FBN2: variants seen among roughly 807,000 people sequenced by gnomAD.
FBN2 encodes fibrillin-2.
Under a neutral mutation model 355.6 loss-of-function variants are expected in FBN2, and 105 were observed. The observed-to-expected ratio is 0.30, with a 90% CI of 0.25 to 0.35. FBN2 has a LOEUF of 0.35. Ranked by LOEUF, FBN2 falls within the 10% of genes least tolerant of loss-of-function variation. The probability of loss-of-function intolerance (pLI) is 1.00; values close to 1 mark genes in which losing one functional copy is unlikely to be tolerated. For synonymous variants in FBN2, 1,350 were observed against 1,301.2 expected (o/e 1.04, Z -0.81); for missense variants, 3,280 against 3,758.7 (o/e 0.87, Z 3.33).
At chr5:128,421,722 C>T (rs1753354362) in intron 7 of FBN2, among the ~76,000 whole-genome samples, 1 of 152,010 alleles carries the variant, frequency 6.6e-6, no homozygotes, top group Non-Finnish European at 1.5e-5. Flanking sequence ...AGAAGGGAAG[C>T]AAGTGAAGAT....
At chr5:128,321,362 G>A (rs1329202458) in intron 34 of FBN2, among the ~76,000 whole-genome samples, 2 of 152,096 alleles carry the variant, frequency 1.3e-5, no homozygotes, top group Admixed American at 1.3e-4. Context: ...TGTTACATAG[G>A]TGTATGTGTG....
At chr5:128,280,519 GTCT>G (rs1208244558) in intron 55 of FBN2, among the ~76,000 whole-genome samples, 3 of 151,858 alleles carry the variant, frequency 2.0e-5, no homozygotes, top group African/African-American at 4.8e-5. Flanking sequence ...AGATAATGTT[GTCT>G]TCTTCTTTCT....
chr5:128,459,720 T>C (rs938439096), intron 6 of FBN2, among the ~76,000 whole-genome samples: 1 of 152,204 alleles, frequency 6.6e-6, no homozygotes, highest in Non-Finnish European at 1.5e-5. Flanking sequence ...AACCACATGA[T>C]TATCTCAATA....
At chr5:128,383,097 G>C (rs778054367) in intron 11 of FBN2, among the ~76,000 whole-genome samples, 3 of 152,090 alleles carry the variant, frequency 2.0e-5, no homozygotes, top group Non-Finnish European at 4.4e-5. Flanking sequence ...ATTGCTTTAA[G>C]AGGGTTTTCA....
intron 55 of FBN2, among the ~76,000 whole-genome samples, chr5:128,285,787 A>C (rs186128993): frequency 6.6e-6 from 1 of 152,332 alleles, no homozygotes; most frequent in Non-Finnish European, 1.5e-5. Context: ...CATATCTTTA[A>C]ATGTAATAAA....
chr5:128,317,668 G>A (rs1026956757), intron 36 of FBN2, among the ~76,000 whole-genome samples: 1 of 152,108 alleles, frequency 6.6e-6, no homozygotes, highest in Non-Finnish European at 1.5e-5. Context: ...CACAGATTCT[G>A]AACCTTCATT....
chr5:128,420,996 G>T (rs1015393194), intron 7 of FBN2, among the ~76,000 whole-genome samples: 1 of 152,182 alleles, frequency 6.6e-6, no homozygotes, highest in Admixed American at 6.6e-5. Context: ...TGGAACTTTG[G>T]CATGCAAGGA....
intron 5 of FBN2, among the ~76,000 whole-genome samples, chr5:128,477,315 C>T (rs1581330435): frequency 6.6e-6 from 1 of 152,108 alleles, no homozygotes; most frequent in Non-Finnish European, 1.5e-5. Context: ...TCTCCCAGTA[C>T]CACAGAGAAA....
At chr5:128,471,925 T>G (rs1754871466) in intron 5 of FBN2, among the ~76,000 whole-genome samples, 1 of 152,178 alleles carries the variant, frequency 6.6e-6, no homozygotes, top group Non-Finnish European at 1.5e-5. Flanking sequence ...ATGTATTTAA[T>G]AAACAAAACA....
At chr5:128,513,439 A>C (rs1358723245) in intron 5 of FBN2, among the ~76,000 whole-genome samples, 1 of 152,230 alleles carries the variant, frequency 6.6e-6, no homozygotes, top group Non-Finnish European at 1.5e-5. Context: ...ATATTTATGG[A>C]GTTAAAAATA....
intron 4 of FBN2, among the ~76,000 whole-genome samples, chr5:128,520,188 A>G (rs976621050): frequency 6.6e-6 from 1 of 152,178 alleles, no homozygotes; most frequent in African/African-American, 2.4e-5. Flanking sequence ...AGAGGGAGCC[A>G]GTAAACTTGA....
At chr5:128,529,504 G>T (rs1470862148) in intron 3 of FBN2, among the ~76,000 whole-genome samples, 1 of 152,190 alleles carries the variant, frequency 6.6e-6, no homozygotes, top group African/African-American at 2.4e-5. Context: ...TGGAAGGATT[G>T]CCCAAGGCCA....
chr5:128,530,448 T>C (rs1756672684), intron 3 of FBN2, 147 bp downstream of exon 3: 11 of 663,308 alleles, frequency 1.7e-5, no homozygotes, highest in Admixed American at 9.4e-5. Flanking sequence ...TTCTGTAAAA[T>C]GGGGTATTAA....
intron 5 of FBN2, among the ~76,000 whole-genome samples, chr5:128,474,650 G>T (rs1754961291): frequency 6.6e-6 from 1 of 152,124 alleles, no homozygotes. Flanking sequence ...TAAAATTTCT[G>T]CCCAAATCAA....
intron 7 of FBN2, 44 bp downstream of exon 7, chr5:128,446,437 T>A (rs764284725): frequency 2.5e-6 from 4 of 1,606,668 alleles, no homozygotes; most frequent in Non-Finnish European, 2.6e-6. Context: ...TTTTCTTGCA[T>A]TAAAGTCACA....
intron 25 of FBN2, 56 bp downstream of exon 25, chr5:128,344,329 C>T (rs1046724693): frequency 2.5e-6 from 4 of 1,586,772 alleles, no homozygotes; most frequent in South Asian, 1.1e-5. Flanking sequence ...TCCTTTCAAA[C>T]AGAGTAAAGG....
At chr5:128,452,231 A>G (rs906133018) in intron 6 of FBN2, among the ~76,000 whole-genome samples, 2 of 152,168 alleles carry the variant, frequency 1.3e-5, no homozygotes, top group South Asian at 2.1e-4. Flanking sequence ...TAATTCTCCA[A>G]TGACCAGACT....
intron 9 of FBN2, among the ~76,000 whole-genome samples, chr5:128,393,742 C>T (rs980781489): frequency 6.6e-6 from 1 of 152,196 alleles, no homozygotes; most frequent in Non-Finnish European, 1.5e-5. Context: ...TATGGTTTTA[C>T]TTACATTCTC....
intron 7 of FBN2, among the ~76,000 whole-genome samples, chr5:128,437,614 A>G (rs1426388540): frequency 1.3e-5 from 2 of 152,150 alleles, no homozygotes; most frequent in African/African-American, 4.8e-5. Context: ...ATTACATTGT[A>G]ATAGCAAAGC....
Sources: allele counts gnomAD v4.1 joint callset (sites outside exome capture counted in the v4.1 genomes callset), GRCh38; gene constraint gnomAD v4.1.1; transcripts MANE v1.5; gene names NCBI Gene and HGNC (gene_info 2026-07-23, HGNC 2026-07-21).